The following SEMA4B variants were observed in gnomAD, a reference collection of about 807,000 sequenced individuals.
SEMA4B encodes semaphorin 4B, also known as semaphorin-4B.
In SEMA4B, 55 loss-of-function variants were observed where a neutral mutation model predicts 88.1. The ratio of observed to expected loss-of-function variants is 0.62; its 90% CI spans 0.50 to 0.78. The LOEUF is 0.78. SEMA4B is among the 30% of genes least tolerant of loss of function. The pLI is 0.00. For missense variants in SEMA4B, 1,062 were observed against 1,111.9 expected (o/e 0.96, Z 0.64); for synonymous variants, 525 against 473.6 (o/e 1.11, Z -1.41).
chr15:90,215,041 CTGTT>C (rs1358774569), intron 1 of SEMA4B: 4 of 1,241,564 alleles, frequency 3.2e-6, no homozygotes, highest in East Asian at 1.2e-4. Flanking sequence ...CTTCGTGAGA[CTGTT>C]TGTGTGGTCA....
At chr15:90,208,469 A>G (rs1304715416) in intron 1 of SEMA4B, among the ~76,000 whole-genome samples, 1 of 152,162 alleles carries the variant, frequency 6.6e-6, no homozygotes, top group African/African-American at 2.4e-5. Context: ...AGTAGGGAGC[A>G]TGGGGAGAAC....
chr15:90,221,149 C>T, intron 5 of SEMA4B, 56 bp downstream of exon 5: 1 of 1,294,022 alleles, frequency 7.7e-7, no homozygotes, highest in Non-Finnish European at 1.1e-6. Context: ...GCACACAGGG[C>T]TAGAGGGCTA....
In SEMA4B at chr15:90,229,449, C is replaced by T. The variant is rs1962392576; in HGVS notation, c.*806C>T. On this transcript the variant is annotated 3_prime_UTR_variant, in exon 14 of 14. Transcript: ENST00000411539. ...TGCCCCTTCCCACCATATCCACCCT[C>T]GCTCCATCTTTGAACTCAAACACGA... 8.8e-6 allele frequency: 4 copies of T among 454,964 alleles called. No homozygotes were observed. The highest frequency in any genetic ancestry group is 2.0e-5 in the African/African-American group (1 of 50,170). The allele number at this position is 454,964 out of a possible 1,614,324, so 28.2% of individuals were successfully genotyped here.
intron 1 of SEMA4B, among the ~76,000 whole-genome samples, chr15:90,190,937 G>A (rs1371378857): frequency 6.6e-6 from 1 of 152,194 alleles, no homozygotes; most frequent in Admixed American, 6.5e-5. Flanking sequence ...CACCACACCT[G>A]GCTAATTTTT....
Position 90,221,604 on chromosome 15 carries a change from G to C in SEMA4B, c.710-10G>C. Reference sequence around the variant, plus strand: ...GGGCTGACTCTGAGCTCCTGACCTGGTCCCTACAGACCCAGCTTTTGTGGC... The same window carrying C: ...GGGCTGACTCTGAGCTCCTGACCTGCTCCCTACAGACCCAGCTTTTGTGGC... On this transcript the variant is annotated splice_polypyrimidine_tract_variant and intron_variant, in intron 6 of 13. Coordinates refer to ENST00000411539, the MANE Select transcript of SEMA4B (RefSeq NM_198925.4). 6.2e-7 allele frequency: 1 copy of C among 1,613,940 alleles called. No individual in the cohort carries two copies. The highest frequency in any genetic ancestry group is 1.3e-5 in the African/African-American group (1 of 75,054).
chr15:90,223,658 G>A lies in SEMA4B; in HGVS notation c.961G>A (p.Val321Met), dbSNP rs373510212. 3.4e-5 allele frequency: 55 copies of A among 1,613,400 alleles called. No homozygotes were observed. The highest frequency in any genetic ancestry group is 2.0e-4 in the African/African-American group (15 of 74,908). The change falls in exon 8 of 14, where the codon GTG becomes ATG. Residue 321 changes from valine to methionine, a missense_variant. By Grantham distance (21) the Val-to-Met change is conservative (BLOSUM62 1). Coordinates refer to ENST00000411539, the MANE Select transcript of SEMA4B (RefSeq NM_198925.4). The stretch of plus-strand genomic sequence containing the variant: ...GCCCGACGATGGCTTCCCCTTCAAC[G>A]TGCTGCAGGATGTCTTCACGCTGAG... Reference protein sequence around the residue: ...SRPDDGFPFNVLQDVFTLSPS... With the variant: ...SRPDDGFPFNMLQDVFTLSPS...
chr15:90,223,518 C>T (rs1267433701), intron 7 of SEMA4B, 41 bp from the exon 8 acceptor site: 1 of 1,509,532 alleles, frequency 6.6e-7, no homozygotes, highest in Non-Finnish European at 8.9e-7. Flanking sequence ...CGTCATGGCT[C>T]AGCATGTGCC....
chr15:90,196,853 C>G (rs1401604028), upstream of SEMA4B, among the ~76,000 whole-genome samples: 1 of 152,124 alleles, frequency 6.6e-6, no homozygotes, highest in Non-Finnish European at 1.5e-5. Flanking sequence ...TATTTTTTCT[C>G]TCTCTCTGGG....
rs189341507 is a variant in SEMA4B, at chr15:90,188,707, C to T, written c.-122+3626C>T. 1.6e-3 allele frequency among the ~76,000 whole-genome samples: 237 copies of T among 152,128 alleles called. 2 individuals are homozygous for T. The highest frequency in any genetic ancestry group is 5.4e-3 in the African/African-American group (225 of 41,510). On this transcript the variant is annotated intron_variant, in intron 1 of 14. Coordinates refer to the SEMA4B transcript ENST00000332496. Reference sequence around the variant, plus strand: ...TTGTTTGTTTTTTGAGACAGAGTCTCGCTCACTCTGGGTGCAGTGGCGCTA... The same window carrying T: ...TTGTTTGTTTTTTGAGACAGAGTCTTGCTCACTCTGGGTGCAGTGGCGCTA...
chr15:90,224,871 G>A lies in SEMA4B; in HGVS notation c.1195-97G>A, dbSNP rs1962057617. 5 of 1,012,866 alleles carry A rather than the reference G, an allele frequency of 4.9e-6. 1 individual carries two copies. Among genetic ancestry groups the A allele is most frequent in the South Asian group, 4.1e-5 (3 of 73,444 alleles). 62.7% of individuals were successfully genotyped at this position (1,012,866 alleles called of 1,614,324 possible). A position where few individuals can be genotyped will look rare whatever the true frequency, so the allele number is the denominator to read the frequency against. On this transcript the variant is annotated intron_variant, in intron 9 of 13. Coordinates refer to ENST00000411539, the MANE Select transcript of SEMA4B (RefSeq NM_198925.4). ...GGATGTGCCCTGGCTCCGGGCGGGGGGACAGACACCGCTACTGTCCACTGG... is the reference window on the plus strand; with the variant it reads ...GGATGTGCCCTGGCTCCGGGCGGGGAGACAGACACCGCTACTGTCCACTGG...
Position 90,225,146 on chromosome 15 carries a change from A to T in SEMA4B, c.1373A>T (p.His458Leu), listed in dbSNP as rs1231688612. 1 of 1,611,606 alleles carries T rather than the reference A, an allele frequency of 6.2e-7. No individual in the cohort carries two copies. Among genetic ancestry groups the T allele is most frequent in the South Asian group, 1.1e-5 (1 of 90,886 alleles). The change falls in exon 10 of 14, where the codon CAC (histidine) becomes CTC (leucine). Residue 458 changes from histidine to leucine, a missense_variant. By Grantham distance (99) the His-to-Leu change is moderately conservative (BLOSUM62 -3). Transcript: ENST00000411539. ...RVAVHRVPGL[H>L]HTYDVLFLGT... ...GCTGTACACCGCGTCCCTGGCCTGC[A>T]CCACACCTACGATGTCCTCTTCCTG... is the stretch of plus-strand genomic sequence containing the variant.
At chr15:90,199,730 G>A (rs1270380568), upstream of SEMA4B, among the ~76,000 whole-genome samples, 1 of 152,114 alleles carries the variant, frequency 6.6e-6, no homozygotes, top group East Asian at 1.9e-4. Context: ...GGAGGCTGAG[G>A]CAGGAGAATC....
chr15:90,213,490 G>A (rs963649331), intron 1 of SEMA4B, among the ~76,000 whole-genome samples: 5 of 152,226 alleles, frequency 3.3e-5, no homozygotes, highest in African/African-American at 1.2e-4. Context: ...TGGCTGGCTC[G>A]TTTGGAGGCC....
intron 4 of SEMA4B, 46 bp downstream of exon 4, chr15:90,219,937 C>T (rs1371419255): frequency 2.1e-6 from 3 of 1,409,964 alleles, no homozygotes; most frequent in Non-Finnish European, 2.0e-6. Context: ...GGAACTGCCC[C>T]TCTTTCTGCC....
upstream of SEMA4B, chr15:90,184,928 G>A (rs936353675): frequency 1.0e-6 from 1 of 985,806 alleles, no homozygotes; most frequent in East Asian, 1.1e-4. Context: ...GCATTTCCGG[G>A]GACGCCGCGC....
rs371815562 is a variant in SEMA4B at position 90,228,476 on chromosome 15, G to A, written c.2347G>A (p.Asp783Asn). 50 of 1,609,502 alleles carry A rather than the reference G, an allele frequency of 3.1e-5. No individual in the cohort carries two copies. Among genetic ancestry groups the A allele is most frequent in the Middle Eastern group, 1.6e-4 (1 of 6,074 alleles). ...NGLGPPSTPL[D>N]HRGYQSLSDS... Reference sequence around the variant, plus strand: ...CCTAGGGCCCCCTAGCACCCCGCTCGATCACCGAGGGTACCAGTCCCTGTC... The same window carrying A: ...CCTAGGGCCCCCTAGCACCCCGCTCAATCACCGAGGGTACCAGTCCCTGTC... The change falls in exon 14 of 14, where the codon GAT becomes AAT. Residue 783 changes from aspartate to asparagine, a missense_variant. Asp to Asn is a conservative substitution (Grantham distance 23, BLOSUM62 1). Transcript: ENST00000411539.
At chr15:90,201,846 A>C in intron 1 of SEMA4B, 111 bp downstream of exon 1, 1 of 1,105,806 alleles carries the variant, frequency 9.0e-7, no homozygotes, top group South Asian at 1.9e-5. Context: ...TGTCGGAGGC[A>C]CGGGATCCAT....
intron 4 of SEMA4B, 54 bp from the exon 5 acceptor site, chr15:90,220,928 C>G (rs1345609320): frequency 2.9e-5 from 35 of 1,195,954 alleles, no homozygotes; most frequent in Non-Finnish European, 3.9e-5. Context: ...TCTCACCAAG[C>G]CTGCTCCTCA....
In SEMA4B at chr15:90,212,896, G is replaced by A. The variant is rs1961342962; in HGVS notation, c.158-4543G>A. Among the ~76,000 whole-genome samples, 2 of 152,166 alleles carry A rather than the reference G, an allele frequency of 1.3e-5. No individual in the cohort carries two copies. The highest frequency in any genetic ancestry group is 6.5e-5 in the Admixed American group (1 of 15,268). On this transcript the variant is annotated intron_variant, in intron 1 of 13. Coordinates refer to ENST00000411539, the MANE Select transcript of SEMA4B (RefSeq NM_198925.4). This position sits in a 1 kb window ranked among gnomAD's most constrained non-coding sequence, Gnocchi z 4.0. ...GCGTGCCTAAGTTAGAATCGCCCAGGCTAAGTTCGTGAACCCCCTGGATGA... is the reference window on the plus strand; with the variant it reads ...GCGTGCCTAAGTTAGAATCGCCCAGACTAAGTTCGTGAACCCCCTGGATGA...
Sources: gnomAD v4.1 joint callset for allele counts (sites outside exome capture counted in the v4.1 genomes callset) on GRCh38, gnomAD v4.1.1 for gene constraint, Gnocchi (gnomAD v3.1) non-coding constraint, MANE v1.5 for transcripts, NCBI Gene and HGNC (gene_info 2026-07-23, HGNC 2026-07-21) for gene names.